Variants in SHB observed in about 807,000 individuals in gnomAD.
The protein encoded by SHB is SH2 domain-containing adapter protein B.
SHB carries 20 observed loss-of-function variants against 52.3 expected under a neutral mutation model. The observed-to-expected ratio is 0.38, with a 90% CI of 0.27 to 0.56. The LOEUF (loss-of-function observed/expected upper bound fraction) is 0.56. SHB is among the 20% of genes least tolerant of loss of function. SHB has a pLI of 0.71. For synonymous variants in SHB, 397 were observed against 316.5 expected (o/e 1.25, Z -2.70); for missense variants, 825 against 723.3 (o/e 1.14, Z -1.61).
At chr9:38,031,541 T>C in intron 1 of SHB, among the ~76,000 whole-genome samples, 1 of 152,262 alleles carries the variant, frequency 6.6e-6, no homozygotes, top group Non-Finnish European at 1.5e-5. Flanking sequence ...GTCCTTTTAG[T>C]ATTACTTTAG....
At chr9:37,996,899 C>T (rs186605872) in intron 2 of SHB, among the ~76,000 whole-genome samples, 2 of 152,308 alleles carry the variant, frequency 1.3e-5, no homozygotes, top group Admixed American at 6.5e-5. Context: ...CCATATCTAC[C>T]GGCTTATCCT....
At chr9:37,997,497 G>A (rs538946709) in intron 2 of SHB, among the ~76,000 whole-genome samples, 3 of 152,282 alleles carry the variant, frequency 2.0e-5, no homozygotes, top group Admixed American at 2.0e-4. Context: ...AAATACCTCT[G>A]TGGAGGTCCC....
intron 1 of SHB, among the ~76,000 whole-genome samples, chr9:38,057,385 G>A (rs1024419681): frequency 6.6e-6 from 1 of 152,154 alleles, no homozygotes; most frequent in Non-Finnish European, 1.5e-5. Flanking sequence ...TTTGAATTAC[G>A]GAATTAGGGT....
intron 1 of SHB, among the ~76,000 whole-genome samples, chr9:38,056,576 C>T (rs965285491): frequency 6.6e-5 from 10 of 152,330 alleles, no homozygotes; most frequent in Non-Finnish European, 1.3e-4. Flanking sequence ...ATGTGATCCA[C>T]CCGCCTCAGT....
intron 5 of SHB, among the ~76,000 whole-genome samples, chr9:37,938,706 C>A (rs1205793469): frequency 1.3e-5 from 2 of 152,154 alleles, no homozygotes; most frequent in African/African-American, 4.8e-5. Flanking sequence ...CCAAGGAGCT[C>A]CGGTAAAACA....
chr9:38,055,869 T>A (rs1821807696), intron 1 of SHB, among the ~76,000 whole-genome samples: 1 of 151,566 alleles, frequency 6.6e-6, no homozygotes, highest in Non-Finnish European at 1.5e-5. Flanking sequence ...GCCTCCGGTA[T>A]CAGAGGAGGA....
chr9:37,936,040 TAAA>T (rs1223430103), intron 5 of SHB, among the ~76,000 whole-genome samples: 2 of 122,624 alleles, frequency 1.6e-5, no homozygotes, highest in Admixed American at 8.3e-5. Context: ...CCGTCTCTAC[TAAA>T]AAAAAAAAAA....
intron 2 of SHB, among the ~76,000 whole-genome samples, chr9:38,009,369 G>A (rs1821109003): frequency 6.6e-6 from 1 of 152,258 alleles, no homozygotes; most frequent in African/African-American, 2.4e-5. Flanking sequence ...GAAGCCCAGT[G>A]TGACCGCAGA....
intron 1 of SHB, among the ~76,000 whole-genome samples, chr9:38,064,998 C>T (rs1347908753): frequency 2.0e-5 from 3 of 152,122 alleles, no homozygotes; most frequent in African/African-American, 7.2e-5. Flanking sequence ...GTACATGGCC[C>T]CAGTTACTCA....
At chr9:37,987,466 T>C (rs556113034) in intron 2 of SHB, among the ~76,000 whole-genome samples, 1 of 152,198 alleles carries the variant, frequency 6.6e-6, no homozygotes, top group South Asian at 2.1e-4. Flanking sequence ...CAGTGTTCCC[T>C]CCACTCCACT....
At chr9:37,942,676 G>GT (rs1832447824) in intron 5 of SHB, among the ~76,000 whole-genome samples, 1 of 152,266 alleles carries the variant, frequency 6.6e-6, no homozygotes, top group Admixed American at 6.5e-5. Flanking sequence ...GGAAGGTGCA[G>GT]TACCTTGCCC....
intron 4 of SHB, among the ~76,000 whole-genome samples, chr9:37,952,822 G>A (rs1015714289): frequency 3.3e-5 from 5 of 151,966 alleles, no homozygotes; most frequent in African/African-American, 9.7e-5. Flanking sequence ...GGCAAGTTTC[G>A]AGGAGAAGAT....
At chr9:37,927,862 AG>A (rs935111805) in intron 5 of SHB, among the ~76,000 whole-genome samples, 5 of 152,046 alleles carry the variant, frequency 3.3e-5, no homozygotes, top group African/African-American at 1.2e-4. Flanking sequence ...GCAGAAGCGG[AG>A]GGGGATGGTG....
rs979211013 is a variant in SHB, at chr9:37,948,648, A to C, written c.1333T>G (p.Ser445Ala). 27 of 1,613,464 alleles carry C rather than the reference A, an allele frequency of 1.7e-5. No individual in the cohort carries two copies. The highest frequency in any genetic ancestry group is 2.2e-5 in the Non-Finnish European group (26 of 1,180,002). The change falls in exon 5 of 6, where the codon TCC (serine) becomes GCC (alanine). Residue 445 changes from serine to alanine, a missense_variant. Ser to Ala is a moderately conservative substitution (Grantham distance 99, BLOSUM62 1). Coordinates refer to ENST00000377707, the MANE Select transcript of SHB (RefSeq NM_003028.3). ...RNSQTSKHDY[S>A]LSLRSNQGFM... Reference sequence around the variant, plus strand: ...GGCGGCACTCACCTCAGGGAGAGGGAGTAGTCATGCTTGCTGGTCTGGCTG... The same window carrying C: ...GGCGGCACTCACCTCAGGGAGAGGGCGTAGTCATGCTTGCTGGTCTGGCTG...
In SHB at chr9:38,020,945, C is replaced by T. The variant is rs1315192175; in HGVS notation, c.718-4814G>A. Among the ~76,000 whole-genome samples, 6 of 152,284 alleles carry T rather than the reference C, an allele frequency of 3.9e-5. No homozygotes were observed. The East Asian group carries it at 1.2e-3, about 29-fold the overall frequency. On this transcript the variant is annotated intron_variant, in intron 1 of 5. Transcript: ENST00000377707. The stretch of plus-strand genomic sequence containing the variant: ...CTCAGCAAACTCGTTCTAGGAAGAT[C>T]ACCCGGCTACAGGAAGGGCTGGTGG...
chr9:38,036,177 A>T (rs1328493168), intron 1 of SHB, among the ~76,000 whole-genome samples: 1 of 152,124 alleles, frequency 6.6e-6, no homozygotes, highest in African/African-American at 2.4e-5. Context: ...CTGCTGCCCC[A>T]TAAGGTGAAG....
At chr9:38,053,947 C>T (rs367880255) in intron 1 of SHB, among the ~76,000 whole-genome samples, 8 of 152,230 alleles carry the variant, frequency 5.3e-5, no homozygotes, top group African/African-American at 1.7e-4. Context: ...GGGATTCTCA[C>T]AGCAACACCT....
intron 5 of SHB, among the ~76,000 whole-genome samples, chr9:37,922,965 T>C (rs762628045): frequency 6.6e-6 from 1 of 152,188 alleles, no homozygotes; most frequent in Non-Finnish European, 1.5e-5. Flanking sequence ...GCCTCACACC[T>C]TCCCTCCACC....
At chr9:38,015,438 G>A (rs755255294) in intron 2 of SHB, 17 of 702,978 alleles carry the variant, frequency 2.4e-5, no homozygotes, top group East Asian at 2.7e-5. Context: ...AGGGCCAACA[G>A]GAAAACAGCC....
Sources: gnomAD v4.1 joint callset for allele counts (sites outside exome capture counted in the v4.1 genomes callset) on GRCh38, gnomAD v4.1.1 for gene constraint, MANE v1.5 for transcripts, NCBI Gene and HGNC (gene_info 2026-07-23, HGNC 2026-07-21) for gene names.